The following CADPS variants were observed in gnomAD, a reference collection of about 807,000 sequenced individuals.
The protein encoded by CADPS is calcium-dependent secretion activator 1.
Under a neutral mutation model 167.3 loss-of-function variants are expected in CADPS, and 57 were observed. The observed-to-expected ratio is 0.34, with a 90% confidence interval of 0.28 to 0.42. CADPS has a LOEUF of 0.42. CADPS is among the 20% of genes least tolerant of loss of function. The probability of loss-of-function intolerance (pLI) is 1.00; values close to 1 mark genes in which losing one functional copy is unlikely to be tolerated. For synonymous variants in CADPS, 676 were observed against 635.3 expected (o/e 1.06, Z -0.96); for missense variants, 1,414 against 1,738.1 (o/e 0.81, Z 3.32).
At chr3:62,442,484 G>A (rs566043903) in intron 27 of CADPS, among the ~76,000 whole-genome samples, 1 of 152,110 alleles carries the variant, frequency 6.6e-6, no homozygotes, top group African/African-American at 2.4e-5. Context: ...CTCCCAAAGT[G>A]CTGGTATTAT....
At chr3:62,742,465 T>C (rs1223060773) in intron 3 of CADPS, among the ~76,000 whole-genome samples, 2 of 151,980 alleles carry the variant, frequency 1.3e-5, no homozygotes, top group Admixed American at 6.6e-5. Flanking sequence ...AACCCAAAAA[T>C]AAGACTTTAC....
At chr3:62,699,847 C>A (rs1286777057) in intron 3 of CADPS, among the ~76,000 whole-genome samples, 2 of 152,020 alleles carry the variant, frequency 1.3e-5, no homozygotes, top group African/African-American at 4.8e-5. Flanking sequence ...GGGAGTACAC[C>A]GTGCCTGGCC....
rs753492070 is a variant in CADPS at position 62,544,136 on chromosome 3, T to C, written c.1966+5767A>G. Among the ~76,000 whole-genome samples the C allele has an allele frequency of 6.6e-6, 1 of 152,054 alleles. No individual in the cohort carries two copies. The highest frequency in any genetic ancestry group is 1.5e-5 in the Non-Finnish European group (1 of 67,996). ...TTGTAAATGAGTGACATGGATTCAG[T>C]CTTGTCCTTAATTTCCTGTTTTTGT... On this transcript the variant is annotated intron_variant, in intron 11 of 29. Transcript: ENST00000383710. This position sits in a 1 kb window ranked among gnomAD's most constrained non-coding sequence, Gnocchi z 4.4.
chr3:62,847,309 G>C (rs1260714244), intron 1 of CADPS, among the ~76,000 whole-genome samples: 2 of 137,382 alleles, frequency 1.5e-5, no homozygotes, highest in Non-Finnish European at 3.1e-5. Context: ...TTAAGTTTTA[G>C]GGTACATGTG....
At chr3:62,703,147 A>G (rs2081720930) in intron 3 of CADPS, among the ~76,000 whole-genome samples, 1 of 152,202 alleles carries the variant, frequency 6.6e-6, no homozygotes, top group South Asian at 2.1e-4. Flanking sequence ...TTTTGGAACT[A>G]GAATTATTTA....
chr3:62,573,297 G>T (rs1428552407), intron 8 of CADPS, among the ~76,000 whole-genome samples: 1 of 151,954 alleles, frequency 6.6e-6, no homozygotes, highest in Non-Finnish European at 1.5e-5. Context: ...TTTTATTACG[G>T]TATTTTTATT....
rs549814985 is a variant in CADPS at position 62,660,500 on chromosome 3, T to A, written c.969+1814A>T. ...ACCAGGCTGACTTGATTATAAACTT[T>A]AAAGGTGTCCAAAAACAAGATGCAA... On this transcript the variant is annotated intron_variant, in intron 4 of 29. Transcript: ENST00000383710. Among the ~76,000 whole-genome samples the A allele has an allele frequency of 2.0e-4, 31 of 152,328 alleles. 1 individual carries two copies. In the South Asian group the frequency reaches 3.9e-3, roughly 19 times the overall value.
At chr3:62,427,739 A>G (rs541218150) in intron 28 of CADPS, among the ~76,000 whole-genome samples, 2 of 152,352 alleles carry the variant, frequency 1.3e-5, no homozygotes, top group Non-Finnish European at 1.5e-5. Flanking sequence ...TTCCTAGGGC[A>G]AAGAATGAAT....
intron 3 of CADPS, among the ~76,000 whole-genome samples, chr3:62,749,798 G>T (rs1379531124): frequency 6.6e-6 from 1 of 152,188 alleles, no homozygotes; most frequent in East Asian, 1.9e-4. Flanking sequence ...TCATATGAAA[G>T]CTGCTGTGGT....
At chr3:62,868,123 A>G (rs1302354759) in intron 1 of CADPS, among the ~76,000 whole-genome samples, 1 of 152,148 alleles carries the variant, frequency 6.6e-6, no homozygotes, top group Non-Finnish European at 1.5e-5. Flanking sequence ...CAAATGAAAA[A>G]GTAATAATTT....
At chr3:62,525,693 G>GTGTGTGTGTGTA (rs1432754239) in intron 13 of CADPS, among the ~76,000 whole-genome samples, 13 of 151,894 alleles carry the variant, frequency 8.6e-5, no homozygotes, top group African/African-American at 2.9e-4. Context: ...GTGTGTGTGT[G>GTGTGTGTGTGTA]TGTGTGTGTG....
chr3:62,546,623 G>A lies in CADPS; in HGVS notation c.1966+3280C>T, dbSNP rs944765800. ...TTCTGCATCCATGGATTCAACCAGC[G>A]GTGGATTGAAAATATTCAGAAAAAA... On this transcript the variant is annotated intron_variant, in intron 11 of 29. Transcript: ENST00000383710. Among the ~76,000 whole-genome samples the A allele has an allele frequency of 2.6e-5, 4 of 152,172 alleles. 1 individual carries two copies. Among genetic ancestry groups the A allele is most frequent in the Non-Finnish European group, 5.9e-5 (4 of 68,002 alleles).
Position 62,874,598 on chromosome 3 carries a change from C to T in CADPS, c.432G>A (p.Arg144=), listed in dbSNP as rs1227997687. 6.4e-7 allele frequency: 1 copy of T among 1,551,088 alleles called. No individual in the cohort carries two copies. The highest frequency in any genetic ancestry group is 2.5e-5 in the East Asian group (1 of 40,538). Residue 144 remains arginine (R), a synonymous_variant, in exon 1 of 30, where the codon CGG becomes CGA. Transcript: ENST00000383710. The surrounding 1 kb of genome is among the most constrained non-coding windows in gnomAD (Gnocchi z 7.1). ...NAKQPTDMAR[R]QQKISKQQLQ... ...TCCCAGGCGCACCTACCTTCTGCTG[C>T]CGGCGAGCCATGTCGGTGGGCTGCT...
At chr3:62,520,380 G>GT (rs1264292304) in intron 13 of CADPS, among the ~76,000 whole-genome samples, 1 of 152,146 alleles carries the variant, frequency 6.6e-6, no homozygotes, top group Non-Finnish European at 1.5e-5. Context: ...AATGGATTAT[G>GT]TTTTTTCCTT....
At chr3:62,749,868 G>A (rs1002059738) in intron 3 of CADPS, among the ~76,000 whole-genome samples, 4 of 152,224 alleles carry the variant, frequency 2.6e-5, no homozygotes, top group Admixed American at 6.5e-5. Flanking sequence ...GCCTCAGTGC[G>A]TCAGGGCACT....
chr3:62,773,758 CAA>C (rs1480203566), intron 1 of CADPS, among the ~76,000 whole-genome samples: 1 of 152,112 alleles, frequency 6.6e-6, no homozygotes, highest in East Asian at 1.9e-4. Context: ...CCACATTTTA[CAA>C]AGTGTTTCTT....
At chr3:62,507,093 A>G (rs2066828463) in intron 17 of CADPS, among the ~76,000 whole-genome samples, 2 of 152,146 alleles carry the variant, frequency 1.3e-5, no homozygotes, top group Non-Finnish European at 2.9e-5. Flanking sequence ...CAGTAGTACT[A>G]CTAAGTACCC....
chr3:62,780,067 GTT>G (rs924322321), intron 1 of CADPS, among the ~76,000 whole-genome samples: 9 of 151,402 alleles, frequency 5.9e-5, no homozygotes, highest in African/African-American at 2.2e-4. Flanking sequence ...ATTTCATAGG[GTT>G]TTTTTTTCTT....
intron 3 of CADPS, among the ~76,000 whole-genome samples, chr3:62,716,587 C>T (rs2084678049): frequency 6.6e-6 from 1 of 151,994 alleles, no homozygotes; most frequent in Non-Finnish European, 1.5e-5. Flanking sequence ...TACTGTCACC[C>T]AAACAAGATG....
Sources: allele counts gnomAD v4.1 joint callset (sites outside exome capture counted in the v4.1 genomes callset), GRCh38; gene constraint gnomAD v4.1.1; non-coding constraint Gnocchi (gnomAD v3.1); transcripts MANE v1.5; gene names NCBI Gene and HGNC (gene_info 2026-07-23, HGNC 2026-07-21).